RNMT: variants seen among roughly 807,000 people sequenced by gnomAD.
The protein encoded by RNMT is mRNA cap guanine-N(7) methyltransferase.
A neutral mutation model predicts 56.0 loss-of-function variants in RNMT; 27 were observed. The ratio of observed to expected loss-of-function variants is 0.48; its 90% CI spans 0.36 to 0.67. The LOEUF is 0.67. Ranked by LOEUF, RNMT falls within the 30% of genes least tolerant of loss-of-function variation. The pLI is 0.00. For missense variants in RNMT, 519 were observed against 552.1 expected, an observed-to-expected ratio of 0.94 and a Z score of 0.60; for synonymous variants, 184 against 176.2, an observed-to-expected ratio of 1.04 and a Z score of -0.35.
At chr18:13,751,971 G>C (rs995254437) in intron 9 of RNMT, among the ~76,000 whole-genome samples, 3 of 152,080 alleles carry the variant, frequency 2.0e-5, no homozygotes, top group Non-Finnish European at 4.4e-5. Context: ...GGCCTGTCAT[G>C]GGGTGGGGGC....
Position 13,746,296 on chromosome 18 carries a change from A to G in RNMT, c.1216A>G (p.Asn406Asp). Residue 406 changes from asparagine (N) to aspartate (D), a missense_variant, in exon 9 of 12, where the codon AAT becomes GAT. Asn to Asp is a conservative substitution (Grantham distance 23). Coordinates refer to ENST00000383314, the MANE Select transcript of RNMT (RefSeq NM_003799.3). ...LEFYEEKIKN[N>D]ENKMLLKRMQ... is the part of the protein sequence containing the mutation. ...ATTCTACGAAGAAAAGATTAAGAACAATGAAAATAAAATGCTCTTAAAACG... is the reference window on the plus strand; with the variant it reads ...ATTCTACGAAGAAAAGATTAAGAACGATGAAAATAAAATGCTCTTAAAACG... 1 of 1,572,762 alleles carries G rather than the reference A, an allele frequency of 6.4e-7. No individual in the cohort carries two copies. The highest frequency in any genetic ancestry group is 8.7e-7 in the Non-Finnish European group (1 of 1,152,358).
At position 13,734,403 on chromosome 18, in the gene RNMT, C is replaced by T. The variant is rs1012453526; in HGVS notation, c.418-61C>T. On this transcript the variant is annotated intron_variant, in intron 3 of 11. Transcript: ENST00000383314. Reference sequence around the variant, plus strand: ...TTTATCCATTCACAGGTCAAATGTTCTGAGGCTTATTTTTACCATGTTCTG... The same window carrying T: ...TTTATCCATTCACAGGTCAAATGTTTTGAGGCTTATTTTTACCATGTTCTG... 12 of 1,482,978 alleles carry T rather than the reference C, an allele frequency of 8.1e-6. No individual in the cohort carries two copies. In the African/African-American group the frequency reaches 1.6e-4, roughly 19 times the overall value. 91.9% of individuals were successfully genotyped at this position (1,482,978 alleles called of 1,614,324 possible). A position where few individuals can be genotyped will look rare whatever the true frequency, so the allele number is the denominator to read the frequency against.
In RNMT at chr18:13,731,463, T is replaced by G; in HGVS notation, c.-42-13T>G. 1.1e-5 allele frequency: 15 copies of G among 1,417,316 alleles called. No homozygotes were observed. Among genetic ancestry groups the G allele is most frequent in the Non-Finnish European group, 1.2e-5 (13 of 1,045,160 alleles). 87.8% of individuals were successfully genotyped at this position (1,417,316 alleles called of 1,614,324 possible). ...AGTGTTTACAAGTAATACCAATTTTTTTCCTATTCTAGTGTTGGTTCATGA... is the reference window on the plus strand; with the variant it reads ...AGTGTTTACAAGTAATACCAATTTTGTTCCTATTCTAGTGTTGGTTCATGA... On this transcript the variant is annotated splice_polypyrimidine_tract_variant and intron_variant, in intron 2 of 11. Transcript: ENST00000383314.
chr18:13,763,098 T>A lies in RNMT; in HGVS notation c.*3119T>A, dbSNP rs1568519726. 2.2e-6 allele frequency: 1 copy of A among 456,060 alleles called. No individual in the cohort carries two copies. Among genetic ancestry groups the A allele is most frequent in the Non-Finnish European group, 4.4e-6 (1 of 226,788 alleles). 28.3% of individuals were successfully genotyped at this position (456,060 alleles called of 1,614,324 possible). ...AATAGAAGTTGTACCAAAATGCCTG[T>A]GGTACTTGATGGCCTGTTGGTCAAA... On this transcript the variant is annotated 3_prime_UTR_variant, in exon 12 of 12. Transcript: ENST00000383314.
chr18:13,753,591 G>A (rs913256551), intron 10 of RNMT, among the ~76,000 whole-genome samples: 1 of 151,856 alleles, frequency 6.6e-6, no homozygotes, highest in African/African-American at 2.4e-5. Context: ...CTGACACGGT[G>A]AAACCTCGTC....
Position 13,727,860 on chromosome 18 carries a change from C to G in RNMT, c.-172+1131C>G, listed in dbSNP as rs148291094. Among the ~76,000 whole-genome samples the G allele has an allele frequency of 7.8e-4, 119 of 152,316 alleles. 2 individuals are homozygous for G. The highest frequency in any genetic ancestry group is 2.8e-3 in the African/African-American group (115 of 41,566). On this transcript the variant is annotated intron_variant, in intron 1 of 11. Coordinates refer to ENST00000383314, the MANE Select transcript of RNMT (RefSeq NM_003799.3). ...AACAACATGATATTGTCTTCATGTG[C>G]CTGGCTTATTTCAGTTAACATAATG...
intron 9 of RNMT, among the ~76,000 whole-genome samples, chr18:13,750,800 C>CA (rs1393999315): frequency 4.1e-4 from 58 of 143,150 alleles, no homozygotes; most frequent in South Asian, 1.8e-3. Context: ...GACTCTGTCT[C>CA]AAAAAAAAAA....
At chr18:13,758,694 G>A (rs980811963) in intron 11 of RNMT, among the ~76,000 whole-genome samples, 1 of 152,130 alleles carries the variant, frequency 6.6e-6, no homozygotes, top group African/African-American at 2.4e-5. Context: ...ATTCCAGTGT[G>A]TTCATTGGAG....
chr18:13,742,301 C>T (rs908437536), intron 7 of RNMT, among the ~76,000 whole-genome samples, 187 bp from the exon 8 acceptor site: 1 of 150,484 alleles, frequency 6.6e-6, no homozygotes, highest in African/African-American at 2.5e-5. Context: ...CACCACCACA[C>T]TCCAGCCTGA....
chr18:13,736,865 T>A (rs925239102), intron 4 of RNMT, 145 bp from the exon 5 acceptor site: 18 of 587,474 alleles, frequency 3.1e-5, no homozygotes, highest in Non-Finnish European at 4.5e-5. Flanking sequence ...TAGTTACTTA[T>A]CAGAAGTTAC....
intron 8 of RNMT, among the ~76,000 whole-genome samples, chr18:13,743,900 A>G (rs141344011): frequency 1.3e-5 from 2 of 152,158 alleles, no homozygotes; most frequent in East Asian, 1.9e-4. Flanking sequence ...AATACTGTGC[A>G]TAATTTTATA....
intron 9 of RNMT, 97 bp downstream of exon 9, chr18:13,746,434 T>G: frequency 1.3e-6 from 1 of 759,180 alleles, no homozygotes; most frequent in Non-Finnish European, 2.3e-6. Flanking sequence ...GAAATAGTTA[T>G]GTGTATTACG....
At chr18:13,727,654 A>C (rs2043983981) in intron 1 of RNMT, among the ~76,000 whole-genome samples, 2 of 152,186 alleles carry the variant, frequency 1.3e-5, no homozygotes, top group African/African-American at 2.4e-5. Context: ...GTTATTGTTA[A>C]CTGTGTCCAC....
intron 3 of RNMT, among the ~76,000 whole-genome samples, chr18:13,732,203 C>CT (rs11461917): frequency 0.034 from 5,115 of 151,928 alleles, 279 homozygotes; most frequent in African/African-American, 0.12. Context: ...TAACTAGAAA[C>CT]TTTTTTTTCC....
In RNMT at chr18:13,761,380, A is replaced by G. The variant is rs550095967; in HGVS notation, c.*1401A>G. On this transcript the variant is annotated 3_prime_UTR_variant, in exon 12 of 12. Transcript: ENST00000383314. Reference sequence around the variant, plus strand: ...TAAATGGTGTCAGTGAGGTGGGGAAAGGAAGTCTTCCTGTCACATATGCAG... The same window carrying G: ...TAAATGGTGTCAGTGAGGTGGGGAAGGGAAGTCTTCCTGTCACATATGCAG... 1.0e-6 allele frequency: 1 copy of G among 985,458 alleles called. No homozygotes were observed. Among genetic ancestry groups the G allele is most frequent in the Non-Finnish European group, 1.2e-6 (1 of 829,946 alleles). The allele number at this position is 985,458 out of a possible 1,614,324, so 61.0% of individuals were successfully genotyped here. A position where few individuals can be genotyped will look rare whatever the true frequency, so the allele number is the denominator to read the frequency against.
chr18:13,730,505 G>T (rs1486602072), intron 1 of RNMT, 122 bp from the exon 2 acceptor site: 1 of 152,150 alleles, frequency 6.6e-6, no homozygotes, highest in Non-Finnish European at 1.5e-5. Flanking sequence ...TTACCCCAAA[G>T]AATTTAAAAG....
Position 13,731,703 on chromosome 18 carries a change from T to C in RNMT, c.186T>C (p.Phe62=). ...QVDIARKRKE[F]EDDLVKESSS... ...ACATAGCAAGAAAGAGAAAAGAGTT[T>C]GAAGATGATCTTGTAAAGGAAAGTT... Residue 62 remains phenylalanine (F), a synonymous_variant, in exon 3 of 12, where the codon TTT becomes TTC. Transcript: ENST00000383314. The C allele has an allele frequency of 1.9e-6, 3 of 1,613,604 alleles. No individual in the cohort carries two copies. The highest frequency in any genetic ancestry group is 2.5e-6 in the Non-Finnish European group (3 of 1,179,896).
At chr18:13,755,526 A>G (rs1218484675) in intron 11 of RNMT, among the ~76,000 whole-genome samples, 1 of 152,180 alleles carries the variant, frequency 6.6e-6, no homozygotes, top group African/African-American at 2.4e-5. Flanking sequence ...CATTTTAACT[A>G]TGGTTTCATG....
chr18:13,763,201 C>A lies in RNMT; in HGVS notation c.*3222C>A. 2.2e-6 allele frequency: 1 copy of A among 452,342 alleles called. No homozygotes were observed. Among genetic ancestry groups the A allele is most frequent in the Admixed American group, 2.4e-5 (1 of 42,340 alleles). The allele number at this position is 452,342 out of a possible 1,614,324, so 28.0% of individuals were successfully genotyped here. The stretch of plus-strand genomic sequence containing the variant: ...ACACTGCACACTTGACAAGTGTTTT[C>A]ATTCCCCGCCCTCTGACAGAACAAC... On this transcript the variant is annotated 3_prime_UTR_variant, in exon 12 of 12. Coordinates refer to ENST00000383314, the MANE Select transcript of RNMT (RefSeq NM_003799.3).
Sources: allele counts gnomAD v4.1 joint callset (sites outside exome capture counted in the v4.1 genomes callset), GRCh38; gene constraint gnomAD v4.1.1; transcripts MANE v1.5; gene names NCBI Gene and HGNC (gene_info 2026-07-23, HGNC 2026-07-21).